Variants in NOX4 observed in about 807,000 individuals in gnomAD.
NOX4 encodes kidney oxidase-1.
In NOX4, 69 loss-of-function variants were observed where a neutral mutation model predicts 87.6. The ratio of observed to expected loss-of-function variants is 0.79; its 90% CI spans 0.65 to 0.96. NOX4 has a LOEUF of 0.96. Ranked by LOEUF, NOX4 falls within the 40% of genes least tolerant of loss-of-function variation. NOX4 has a pLI of 0.00. For synonymous variants in NOX4, 275 were observed against 238.2 expected (o/e 1.15, Z -1.42); for missense variants, 680 against 681.5 (o/e 1.00, Z 0.02).
intron 2 of NOX4, among the ~76,000 whole-genome samples, chr11:89,473,353 C>A (rs1026730314): frequency 1.3e-5 from 2 of 152,058 alleles, no homozygotes; most frequent in African/African-American, 4.8e-5. Context: ...TCATCAAAAA[C>A]AATCATTCCA....
At chr11:89,370,464 A>G (rs1264747695) in intron 12 of NOX4, among the ~76,000 whole-genome samples, 1 of 151,904 alleles carries the variant, frequency 6.6e-6, no homozygotes, top group Non-Finnish European at 1.5e-5. Context: ...GTATAGCATT[A>G]TCTCAGACAT....
chr11:89,356,424 A>AG (rs985612450), intron 12 of NOX4, among the ~76,000 whole-genome samples: 1 of 104,256 alleles, frequency 9.6e-6, no homozygotes, highest in East Asian at 3.0e-4. Context: ...GGGAAGAGGA[A>AG]GGGGGAAAAA....
the NOX4 span, among the ~76,000 whole-genome samples, chr11:89,514,636 C>T: frequency 6.6e-6 from 1 of 151,666 alleles, no homozygotes; most frequent in Non-Finnish European, 1.5e-5. Flanking sequence ...TTCATAGGTG[C>T]CCTTAAGTTG....
At chr11:89,437,815 AC>A (rs1213372063) in intron 6 of NOX4, among the ~76,000 whole-genome samples, 1 of 151,992 alleles carries the variant, frequency 6.6e-6, no homozygotes, top group Non-Finnish European at 1.5e-5. Flanking sequence ...TGGTTCCAGG[AC>A]CCCTCACAGA....
At position 89,484,669 on chromosome 11, in the gene NOX4, T is replaced by A. The variant is rs572274759; in HGVS notation, c.153+5789A>T. Among the ~76,000 whole-genome samples, 5 of 152,196 alleles carry A rather than the reference T, an allele frequency of 3.3e-5. No individual in the cohort carries two copies. In the South Asian group the frequency reaches 8.3e-4, roughly 25 times the overall value. On this transcript the variant is annotated intron_variant, in intron 2 of 17. Transcript: ENST00000263317. ...GAAAATGAAAAGTTAAGTAAAGATA[T>A]CAAAGTTTCCTTCCAAGTCTAAAAC...
At chr11:89,481,986 A>C (rs1946408531) in intron 2 of NOX4, among the ~76,000 whole-genome samples, 1 of 152,062 alleles carries the variant, frequency 6.6e-6, no homozygotes, top group South Asian at 2.1e-4. Flanking sequence ...AGTTCCCTGA[A>C]TTCATACTCT....
chr11:89,329,428 T>G (rs1369903412), intron 17 of NOX4, among the ~76,000 whole-genome samples: 2 of 93,610 alleles, frequency 2.1e-5, no homozygotes, highest in Middle Eastern at 7.1e-3. Flanking sequence ...AAACAACTAG[T>G]CAAAAATACA....
intron 2 of NOX4, among the ~76,000 whole-genome samples, chr11:89,479,670 G>C (rs1187869231): frequency 2.0e-5 from 3 of 152,132 alleles, no homozygotes; most frequent in Non-Finnish European, 4.4e-5. Flanking sequence ...GAGAGCCATT[G>C]TCAAATTCAA....
intron 1 of NOX4, among the ~76,000 whole-genome samples, chr11:89,497,754 C>G (rs537838490): frequency 6.6e-6 from 1 of 152,236 alleles, no homozygotes; most frequent in African/African-American, 2.4e-5. Context: ...TTTCCCAGAG[C>G]CACACACTGG....
At chr11:89,558,061 T>C in the NOX4 span, among the ~76,000 whole-genome samples, 8 of 152,146 alleles carry the variant, frequency 5.3e-5, no homozygotes, top group African/African-American at 1.7e-4. Context: ...AGAATGATTG[T>C]ACAGATCTCT....
chr11:89,422,572 G>C (rs1301185916), intron 7 of NOX4, among the ~76,000 whole-genome samples: 2 of 152,046 alleles, frequency 1.3e-5, no homozygotes, highest in Non-Finnish European at 2.9e-5. Context: ...AAGAGAAACA[G>C]TTATTTTATT....
At chr11:89,572,469 C>T in the NOX4 span, among the ~76,000 whole-genome samples, 2 of 152,116 alleles carry the variant, frequency 1.3e-5, no homozygotes, top group African/African-American at 2.4e-5. Flanking sequence ...TGGCTAATTG[C>T]TATTAAGTTC....
chr11:89,378,447 A>G (rs576318257), intron 11 of NOX4, among the ~76,000 whole-genome samples: 3 of 152,266 alleles, frequency 2.0e-5, no homozygotes, highest in African/African-American at 7.2e-5. Flanking sequence ...TTAAATTATT[A>G]GTACGACTCT....
chr11:89,382,356 A>G (rs1940351281), intron 11 of NOX4, among the ~76,000 whole-genome samples: 1 of 152,078 alleles, frequency 6.6e-6, no homozygotes. Flanking sequence ...ACCCCAATAC[A>G]AACTCGACAA....
At chr11:89,399,636 T>A (rs1444252197) in intron 11 of NOX4, among the ~76,000 whole-genome samples, 3 of 150,138 alleles carry the variant, frequency 2.0e-5, no homozygotes, top group Non-Finnish European at 4.4e-5. Context: ...GCTTTTTTTT[T>A]TTATTTACTG....
At chr11:89,332,241 T>A (rs913189237) in intron 17 of NOX4, among the ~76,000 whole-genome samples, 9 of 151,918 alleles carry the variant, frequency 5.9e-5, no homozygotes, top group African/African-American at 2.2e-4. Context: ...GGAGTAAATG[T>A]GAGAGACTAA....
At position 89,491,179 on chromosome 11, in the gene NOX4, C is replaced by T. The variant is rs375867310; in HGVS notation, c.57+11G>A. ...GAGAGAACGCAAGGAGAGCCTAGCC[C>T]GCCATCCTACCAGGCAGAGGTGTTT... On this transcript the variant is annotated intron_variant, in intron 1 of 17. Coordinates refer to ENST00000263317, the MANE Select transcript of NOX4 (RefSeq NM_016931.5). 16 of 1,612,736 alleles carry T rather than the reference C, an allele frequency of 9.9e-6. No homozygotes were observed. The Admixed American group carries it at 1.7e-4, about 17-fold the overall frequency.
intron 7 of NOX4, among the ~76,000 whole-genome samples, chr11:89,426,217 A>C (rs1425394627): frequency 6.6e-6 from 1 of 152,216 alleles, no homozygotes; most frequent in Non-Finnish European, 1.5e-5. Flanking sequence ...CATATCAGGA[A>C]AATAGCTTTA....
intron 17 of NOX4, among the ~76,000 whole-genome samples, chr11:89,330,894 ATAGT>A (rs1945440730): frequency 6.6e-6 from 1 of 152,052 alleles, no homozygotes; most frequent in African/African-American, 2.4e-5. Flanking sequence ...ATTCATAATT[ATAGT>A]TAATTATTTC....
Sources: gnomAD v4.1 joint callset for allele counts (sites outside exome capture counted in the v4.1 genomes callset) on GRCh38, gnomAD v4.1.1 for gene constraint, MANE v1.5 for transcripts, NCBI Gene and HGNC (gene_info 2026-07-23, HGNC 2026-07-21) for gene names.